Variants in SENP7 observed in about 807,000 individuals in gnomAD.
SENP7 encodes the protein sentrin-specific protease 7.
A neutral mutation model predicts 141.2 loss-of-function variants in SENP7; 64 were observed. That is an observed-to-expected ratio of 0.45 (90% CI 0.37 to 0.56). The LOEUF is 0.56. SENP7 is among the 20% of genes least tolerant of loss of function. The probability of loss-of-function intolerance (pLI) is 0.00; values close to 1 mark genes in which losing one functional copy is unlikely to be tolerated. For synonymous variants in SENP7, 382 were observed against 426.4 expected, an observed-to-expected ratio of 0.90 and a Z score of 1.28; for missense variants, 1,025 against 1,212.2, an observed-to-expected ratio of 0.85 and a Z score of 2.29.
intron 4 of SENP7, among the ~76,000 whole-genome samples, chr3:101,439,325 T>C (rs376474764): frequency 6.8e-4 from 48 of 70,506 alleles, no homozygotes; most frequent in Non-Finnish European, 5.6e-4. Context: ...GTGAGGAGCC[T>C]CTCCGCCCGG....
At chr3:101,346,736 T>C (rs575865420) in intron 13 of SENP7, among the ~76,000 whole-genome samples, 50 of 148,774 alleles carry the variant, frequency 3.4e-4, no homozygotes, top group East Asian at 3.0e-3. Context: ...AATGATACAA[T>C]AGACTTTGGG....
intron 6 of SENP7, among the ~76,000 whole-genome samples, chr3:101,382,248 CTCATTGTA>C (rs1323076491): frequency 6.6e-6 from 1 of 152,160 alleles, no homozygotes; most frequent in East Asian, 1.9e-4. Context: ...TTGATCATCG[CTCATTGTA>C]ACCTCTAACT....
At chr3:101,511,956 A>G (rs2065877995) in intron 1 of SENP7, among the ~76,000 whole-genome samples, 1 of 152,126 alleles carries the variant, frequency 6.6e-6, no homozygotes, top group African/African-American at 2.4e-5. Context: ...AGTAGCTGGG[A>G]CTACAGGCGC....
chr3:101,333,007 A>G, intron 17 of SENP7, 145 bp from the exon 18 acceptor site: 2 of 736,810 alleles, frequency 2.7e-6, no homozygotes, highest in Non-Finnish European at 2.1e-6. Flanking sequence ...CATTATAAAT[A>G]TATCTCCTTA....
intron 1 of SENP7, among the ~76,000 whole-genome samples, chr3:101,509,280 T>C (rs916963285): frequency 6.6e-6 from 1 of 152,220 alleles, no homozygotes; most frequent in African/African-American, 2.4e-5. Context: ...AGCTTACTTT[T>C]GCTGCCCCAT....
chr3:101,448,270 TA>T (rs1332694456), intron 4 of SENP7, among the ~76,000 whole-genome samples: 1 of 152,200 alleles, frequency 6.6e-6, no homozygotes, highest in Non-Finnish European at 1.5e-5. Flanking sequence ...TAAAAACTTT[TA>T]TGTTTCAAAG....
chr3:101,393,778 C>T (rs1336989414), intron 6 of SENP7, among the ~76,000 whole-genome samples: 1 of 152,128 alleles, frequency 6.6e-6, no homozygotes, highest in Non-Finnish European at 1.5e-5. Flanking sequence ...TCCTGCTCTT[C>T]ATAGCATGGT....
chr3:101,394,268 A>C (rs1200976668), intron 6 of SENP7, among the ~76,000 whole-genome samples: 2 of 152,146 alleles, frequency 1.3e-5, no homozygotes, highest in Admixed American at 6.5e-5. Context: ...GTTGCTGCAC[A>C]TGACAGGATT....
rs1164102995 is a variant in SENP7, at chr3:101,367,883, T to C, written c.925A>G (p.Asn309Asp). Residue 309 changes from asparagine (N) to aspartate (D), a missense_variant, in exon 8 of 24, where the codon AAT (asparagine) becomes GAT (aspartate). Transcript: ENST00000394095. ...GTACAATATTGAGAATCAGGTAAAT[T>C]ATTTCTAAGCCTTCTCTTTGTCTTC... ...SRKTKRRLRN[N>D]LPDSQYCTSL... 6.2e-7 allele frequency: 1 copy of C among 1,610,670 alleles called. No homozygotes were observed. The highest frequency in any genetic ancestry group is 8.5e-7 in the Non-Finnish European group (1 of 1,177,390).
intron 5 of SENP7, chr3:101,414,164 T>G: frequency 1.9e-6 from 1 of 527,218 alleles, no homozygotes; most frequent in Non-Finnish European, 3.4e-6. Flanking sequence ...AAAGACAGAT[T>G]TAGGGGTTAA....
intron 3 of SENP7, among the ~76,000 whole-genome samples, chr3:101,479,228 G>A (rs1233860833): frequency 2.0e-5 from 3 of 152,114 alleles, no homozygotes; most frequent in African/African-American, 7.2e-5. Flanking sequence ...AAAAATAAAA[G>A]ACATCCAAAT....
intron 11 of SENP7, among the ~76,000 whole-genome samples, chr3:101,352,941 A>G (rs1044693878): frequency 1.3e-5 from 2 of 152,054 alleles, no homozygotes; most frequent in South Asian, 2.1e-4. Flanking sequence ...ATTAACTAAA[A>G]GCTGAGCTTG....
At position 101,477,027 on chromosome 3, in the gene SENP7, A is replaced by C. The variant is rs2064246985; in HGVS notation, c.186+16846T>G. Among the ~76,000 whole-genome samples the C allele has an allele frequency of 2.6e-5, 4 of 152,164 alleles. No individual in the cohort carries two copies. The South Asian group carries it at 8.3e-4, about 32-fold the overall frequency. ...CTTTGTCAGATGGATAGATTGCATA[A>C]ATTTTCTCCCATTCTGTAGGTTGCC... On this transcript the variant is annotated intron_variant, in intron 3 of 23. Transcript: ENST00000394095.
intron 4 of SENP7, chr3:101,457,345 A>T (rs2063386101): frequency 7.1e-7 from 1 of 1,398,716 alleles, no homozygotes; most frequent in Non-Finnish European, 1.0e-6. Context: ...CCATCCATGG[A>T]TTGTTTGGGC....
At chr3:101,382,593 A>G (rs1472305178) in intron 6 of SENP7, among the ~76,000 whole-genome samples, 1 of 152,260 alleles carries the variant, frequency 6.6e-6, no homozygotes, top group African/African-American at 2.4e-5. Context: ...AAAATTTAAA[A>G]ATACTAAAAC....
At chr3:101,421,053 T>G (rs2061777350) in intron 4 of SENP7, among the ~76,000 whole-genome samples, 1 of 152,174 alleles carries the variant, frequency 6.6e-6, no homozygotes, top group Non-Finnish European at 1.5e-5. Flanking sequence ...GATTGTGGAC[T>G]TTATAGCAGA....
At chr3:101,333,379 TA>T (rs1340343342) in intron 17 of SENP7, 3 of 152,296 alleles carry the variant, frequency 2.0e-5, no homozygotes, top group African/African-American at 7.3e-5. Context: ...CTCCTGTCAC[TA>T]AAAATATAAA....
At chr3:101,420,194 C>T (rs2061746230) in intron 4 of SENP7, among the ~76,000 whole-genome samples, 1 of 152,096 alleles carries the variant, frequency 6.6e-6, no homozygotes, top group Non-Finnish European at 1.5e-5. Context: ...GGTGAAACCC[C>T]GTCTCTACTA....
chr3:101,499,710 T>C (rs2108147900), intron 2 of SENP7, among the ~76,000 whole-genome samples: 1 of 152,148 alleles, frequency 6.6e-6, no homozygotes, highest in African/African-American at 2.4e-5. Flanking sequence ...TAATTTTTGG[T>C]ATTTTTAGTT....
Sources: allele counts gnomAD v4.1 joint callset (sites outside exome capture counted in the v4.1 genomes callset), GRCh38; gene constraint gnomAD v4.1.1; transcripts MANE v1.5; gene names NCBI Gene and HGNC (gene_info 2026-07-23, HGNC 2026-07-21).